The following VLDLR variants were observed in gnomAD, a reference collection of about 807,000 sequenced individuals.
The protein encoded by VLDLR is very low density lipoprotein receptor.
A neutral mutation model predicts 112.7 loss-of-function variants in VLDLR; 81 were observed. That is an observed-to-expected ratio of 0.72 (90% confidence interval 0.60 to 0.86). The LOEUF is 0.86. VLDLR is among the 40% of genes least tolerant of loss of function. The pLI is 0.00. For synonymous variants in VLDLR, 436 were observed against 384.8 expected, an observed-to-expected ratio of 1.13 and a Z score of -1.56; for missense variants, 1,237 against 1,099.4, an observed-to-expected ratio of 1.13 and a Z score of -1.77.
In VLDLR at chr9:2,624,787, C is replaced by T. The variant is rs144674371; in HGVS notation, c.82+2516C>T. Among the ~76,000 whole-genome samples, 594 of 152,286 alleles carry T rather than the reference C, an allele frequency of 3.9e-3. 8 individuals carry two copies. Among genetic ancestry groups the T allele is most frequent in the African/African-American group, 0.014 (563 of 41,568 alleles). On this transcript the variant is annotated intron_variant, in intron 1 of 18. Transcript: ENST00000382100. ...GTATGACGATGATAGTACCCCTTAT[C>T]AAAGACTGATCACTCATGTGAGCAG...
In VLDLR at chr9:2,659,995, G is replaced by A. The variant is rs1044591756; in HGVS notation, c.*6127G>A. Reference sequence around the variant, plus strand: ...TTAGAATGCAGAGTCCTGATGACCTGTCAATAAACTTTTTTTTACTAATGA... The same window carrying A: ...TTAGAATGCAGAGTCCTGATGACCTATCAATAAACTTTTTTTTACTAATGA... On this transcript the variant is annotated 3_prime_UTR_variant, in exon 19 of 19. Coordinates refer to ENST00000382100, the MANE Select transcript of VLDLR (RefSeq NM_003383.5). 2.6e-5 allele frequency: 4 copies of A among 152,144 alleles called. No homozygotes were observed. Among genetic ancestry groups the A allele is most frequent in the African/African-American group, 9.7e-5 (4 of 41,432 alleles). The allele number at this position is 152,144 out of a possible 1,614,324, so 9.4% of individuals were successfully genotyped here.
In VLDLR at chr9:2,643,894, T is replaced by A; in HGVS notation, c.1001T>A (p.Ile334Asn). ...FKCRSGECIDISKVCNQEQDC... is the reference protein window; with the variant it reads ...FKCRSGECIDNSKVCNQEQDC... ...TGCAGAAGTGGAGAATGCATAGATA[T>A]CAGCAAAGTATGTAACCAGGAGCAG... Residue 334 changes from isoleucine (I) to asparagine (N), a missense_variant, in exon 7 of 19, where the codon ATC (isoleucine) becomes AAC (asparagine). Coordinates refer to ENST00000382100, the MANE Select transcript of VLDLR (RefSeq NM_003383.5). 2 of 1,614,132 alleles carry A rather than the reference T, an allele frequency of 1.2e-6. No homozygotes were observed. The highest frequency in any genetic ancestry group is 2.2e-5 in the South Asian group (2 of 91,066).
At chr9:2,652,080 C>A (rs191371107) in intron 17 of VLDLR, 126 bp downstream of exon 17, 14 of 852,970 alleles carry the variant, frequency 1.6e-5, no homozygotes, top group Non-Finnish European at 2.3e-5. Flanking sequence ...CACTGAATTA[C>A]GTTCGCTTTC....
intron 16 of VLDLR, 105 bp from the exon 17 acceptor site, chr9:2,651,769 T>C (rs1818355224): frequency 1.6e-6 from 2 of 1,257,014 alleles, no homozygotes; most frequent in Admixed American, 1.8e-5. Context: ...TTGTAGATAC[T>C]GAACATCAAT....
Position 2,651,454 on chromosome 9 carries a change from C to T in VLDLR, c.2291C>T (p.Thr764Met), listed in dbSNP as rs56737058. 7.4e-4 allele frequency: 1,190 copies of T among 1,613,896 alleles called. 1 individual carries two copies. In the African/African-American group the frequency reaches 7.7e-3, roughly 10 times the overall value. ...GTGACTTACAGTGAGACAAAAGATA[C>T]GAACACAACAGAAATTTCAGCAACT... ...TTVTYSETKD[T>M]NTTEISATSG... Residue 764 changes from threonine (T) to methionine (M), a missense_variant, in exon 16 of 19, where the codon ACG becomes ATG. Physicochemically the swap from Thr to Met is moderately conservative, Grantham distance 81. Transcript: ENST00000382100.
chr9:2,639,834 T>A, intron 2 of VLDLR, 25 bp from the exon 3 acceptor site: 2 of 1,614,144 alleles, frequency 1.2e-6, no homozygotes, highest in Non-Finnish European at 1.7e-6. Context: ...ACTTCAACTT[T>A]AACCCTTCAA....
In VLDLR at chr9:2,650,488, T is replaced by G; in HGVS notation, c.2223T>G (p.Asn741Lys). The change falls in exon 15 of 19, where the codon AAT becomes AAG. Residue 741 changes from asparagine (N) to lysine (K), a missense_variant. Asn to Lys is a moderately conservative substitution (Grantham distance 94). Coordinates refer to ENST00000382100, the MANE Select transcript of VLDLR (RefSeq NM_003383.5). The part of the protein sequence containing the change: ...KYTCSCPSGY[N>K]VEENGRDCQS... ...CCTGTTCCTGTCCCAGTGGGTACAA[T>G]GTAGAGGAAAATGGCCGAGACTGTC... 6.2e-7 allele frequency: 1 copy of G among 1,613,988 alleles called. No homozygotes were observed. The highest frequency in any genetic ancestry group is 1.7e-5 in the Admixed American group (1 of 60,022).
chr9:2,646,167 A>G (rs1006472722), intron 10 of VLDLR, among the ~76,000 whole-genome samples, 167 bp from the exon 11 acceptor site: 4 of 151,864 alleles, frequency 2.6e-5, no homozygotes, highest in African/African-American at 9.7e-5. Context: ...AGCATTATTA[A>G]TTTAGGATCA....
In VLDLR at chr9:2,646,534, C is replaced by T; in HGVS notation, c.1685C>T (p.Ala562Val). 6.2e-7 allele frequency: 1 copy of T among 1,614,142 alleles called. No individual in the cohort carries two copies. The highest frequency in any genetic ancestry group is 8.5e-7 in the Non-Finnish European group (1 of 1,180,006). ...GACTTGCGAGAGCCTGCCTCCATAG[C>T]TGTGGACCCACTGTCTGGGTTTGTA... is the stretch of plus-strand genomic sequence containing the variant. ...NSDLREPASI[A>V]VDPLSGFVYW... Residue 562 changes from alanine to valine, a missense_variant, in exon 11 of 19, where the codon GCT (alanine) becomes GTT (valine). Transcript: ENST00000382100.
At chr9:2,653,726 C>T in intron 18 of VLDLR, 107 bp from the exon 19 acceptor site, 2 of 1,159,264 alleles carry the variant, frequency 1.7e-6, no homozygotes, top group Non-Finnish European at 2.6e-6. Context: ...CTTCTAAGCA[C>T]TCTGAGTGTT....
rs1460957694 is a variant in VLDLR at position 2,654,940 on chromosome 9, A to G, written c.*1072A>G. 1.3e-5 allele frequency: 2 copies of G among 152,188 alleles called. No individual in the cohort carries two copies. Among genetic ancestry groups the G allele is most frequent in the Non-Finnish European group, 2.9e-5 (2 of 68,040 alleles). 9.4% of individuals were successfully genotyped at this position (152,188 alleles called of 1,614,324 possible). A position where few individuals can be genotyped will look rare whatever the true frequency, so the allele number is the denominator to read the frequency against. On this transcript the variant is annotated 3_prime_UTR_variant, in exon 19 of 19. Coordinates refer to ENST00000382100, the MANE Select transcript of VLDLR (RefSeq NM_003383.5). ...AGATGGCCAGGGAGGATAGCAAGCAATGGCATTCTTGAACAGTCTAAGGCA... is the reference window on the plus strand; with the variant it reads ...AGATGGCCAGGGAGGATAGCAAGCAGTGGCATTCTTGAACAGTCTAAGGCA...
chr9:2,645,428 C>T, intron 9 of VLDLR, 146 bp from the exon 10 acceptor site: 1 of 1,037,630 alleles, frequency 9.6e-7, no homozygotes. Flanking sequence ...CTTGCAGGTC[C>T]CAGGGGCAGG....
rs1409781634 is a variant in VLDLR, at chr9:2,635,577, G to A, written c.202+5G>A. 2.7e-5 allele frequency: 43 copies of A among 1,613,810 alleles called. No homozygotes were observed. The highest frequency in any genetic ancestry group is 3.6e-5 in the Non-Finnish European group (42 of 1,179,820). ...GCAGTGATGAAAAGAACTGTGGTAA[G>A]TAAAGAGTTTGATGACTTATGCATT... On this transcript the variant is annotated splice_donor_5th_base_variant and intron_variant, in intron 2 of 18. Transcript: ENST00000382100.
intron 1 of VLDLR, among the ~76,000 whole-genome samples, chr9:2,626,450 G>A (rs986313688): frequency 3.9e-5 from 6 of 152,162 alleles, no homozygotes; most frequent in African/African-American, 1.4e-4. Context: ...GCTCAACCTG[G>A]ACCATAAATT....
rs779909494 is a variant in VLDLR, at chr9:2,646,374, A to G, written c.1525A>G (p.Ile509Val). ...DDKVGRHVKM[I>V]DNVYNPAAIA... ...CAAGGTTGGTAGACATGTTAAAATG[A>G]TCGACAATGTCTATAATCCTGCAGC... The change falls in exon 11 of 19, where the codon ATC (isoleucine) becomes GTC (valine). Residue 509 changes from isoleucine (I) to valine (V), a missense_variant. Physicochemically the swap from Ile to Val is conservative, Grantham distance 29. Transcript: ENST00000382100. 2 of 1,614,068 alleles carry G rather than the reference A, an allele frequency of 1.2e-6. No homozygotes were observed. The highest frequency in any genetic ancestry group is 1.7e-6 in the Non-Finnish European group (2 of 1,180,026).
At position 2,651,855 on chromosome 9, in the gene VLDLR, T is replaced by G. The variant is rs140938258; in HGVS notation, c.2336-19T>G. The stretch of plus-strand genomic sequence containing the variant: ...TGAATACAGATCCTTCTAAACTGAT[T>G]CCTTTTATTCCTCTGTAGGGATCAA... On this transcript the variant is annotated intron_variant, in intron 16 of 18. Transcript: ENST00000382100. The G allele has an allele frequency of 1.4e-4, 221 of 1,613,856 alleles. 3 individuals are homozygous for G. In the Middle Eastern group the frequency reaches 2.2e-3, roughly 16 times the overall value.
Position 2,648,748 on chromosome 9 carries a change from T to A in VLDLR, c.2042T>A (p.Leu681Gln). 6.2e-7 allele frequency: 1 copy of A among 1,614,198 alleles called. No homozygotes were observed. The highest frequency in any genetic ancestry group is 8.5e-7 in the Non-Finnish European group (1 of 1,180,026). ...NKFTGSELATLVNNLNDAQDI... is the reference protein window; with the variant it reads ...NKFTGSELATQVNNLNDAQDI... ...TTCACTGGATCAGAGCTAGCCACTC[T>A]AGTCAACAACCTGAATGATGCCCAA... Residue 681 changes from leucine (L) to glutamine (Q), a missense_variant, in exon 14 of 19, where the codon CTA (leucine) becomes CAA (glutamine). Coordinates refer to ENST00000382100, the MANE Select transcript of VLDLR (RefSeq NM_003383.5).
At chr9:2,622,389 T>G (rs1453764618) in intron 1 of VLDLR, 118 bp downstream of exon 1, 4 of 857,368 alleles carry the variant, frequency 4.7e-6, no homozygotes, top group African/African-American at 3.6e-5. Context: ...TCGGTTCTCC[T>G]CGCCTTCCCT....
At position 2,622,288 on chromosome 9, in the gene VLDLR, C is replaced by G; in HGVS notation, c.82+17C>G. The G allele has an allele frequency of 3.4e-6, 5 of 1,461,834 alleles. No homozygotes were observed. Among genetic ancestry groups the G allele is most frequent in the Non-Finnish European group, 3.6e-6 (4 of 1,111,062 alleles). 90.6% of individuals were successfully genotyped at this position (1,461,834 alleles called of 1,614,324 possible). ...CCGGAACCGGTGAGTGAGGACGCGC[C>G]CCTCCGCCGGCGGGCGGGACCCAGC... On this transcript the variant is annotated intron_variant, in intron 1 of 18. Transcript: ENST00000382100.
Sources: gnomAD v4.1 joint callset for allele counts (sites outside exome capture counted in the v4.1 genomes callset) on GRCh38, gnomAD v4.1.1 for gene constraint, MANE v1.5 for transcripts, NCBI Gene and HGNC (gene_info 2026-07-23, HGNC 2026-07-21) for gene names.